Variants in MAPK14 observed in about 807,000 individuals in gnomAD.
The protein encoded by MAPK14 is CSAID-binding protein.
A neutral mutation model predicts 49.6 loss-of-function variants in MAPK14; 16 were observed. That is an observed-to-expected ratio of 0.32 (90% CI 0.22 to 0.49). The LOEUF is 0.49. Among genes scored for constraint, MAPK14 ranks in the 20% least tolerant of loss-of-function variants. The pLI is 0.99. For synonymous variants in MAPK14, 142 were observed against 158.0 expected (o/e 0.90, Z 0.76); for missense variants, 200 against 441.2 (o/e 0.45, Z 4.90).
intron 5 of MAPK14, 55 bp downstream of exon 5, chr6:36,073,775 G>C: frequency 6.6e-7 from 1 of 1,522,458 alleles, no homozygotes; most frequent in Non-Finnish European, 9.1e-7. Flanking sequence ...GAGAGTGGAA[G>C]AATGGCATTT....
chr6:36,118,425 C>T, the MAPK14 span, among the ~76,000 whole-genome samples: 2 of 152,184 alleles, frequency 1.3e-5, no homozygotes, highest in Admixed American at 1.3e-4. Flanking sequence ...TGTACCATCT[C>T]GCTGGCACCC....
intron 6 of MAPK14, among the ~76,000 whole-genome samples, chr6:36,075,437 T>G (rs1764492581): frequency 6.6e-6 from 1 of 152,092 alleles, no homozygotes. Context: ...GGTATTGTTG[T>G]GTGTGTCAGT....
At chr6:36,047,759 A>G (rs113008645) in intron 1 of MAPK14, among the ~76,000 whole-genome samples, 23,536 of 143,548 alleles carry the variant, frequency 0.16, 2,558 homozygotes, top group African/African-American at 0.32. Context: ...TTTTGAGATG[A>G]AGTTTTGCTC....
intron 8 of MAPK14, among the ~76,000 whole-genome samples, chr6:36,079,015 C>G (rs1764640450): frequency 6.6e-6 from 1 of 152,212 alleles, no homozygotes; most frequent in Non-Finnish European, 1.5e-5. Context: ...GCACAGTCTT[C>G]TAGTTTGCAG....
chr6:36,102,807 GA>G, intron 10 of MAPK14, 158 bp downstream of exon 10: 3 of 1,342,138 alleles, frequency 2.2e-6, no homozygotes, highest in Non-Finnish European at 3.0e-6. Flanking sequence ...TGTGTTGTCA[GA>G]TTTTTTTTTA....
chr6:36,062,184 C>T (rs1763847959), intron 3 of MAPK14, among the ~76,000 whole-genome samples: 1 of 152,080 alleles, frequency 6.6e-6, no homozygotes, highest in Non-Finnish European at 1.5e-5. Flanking sequence ...GCCATGTTGC[C>T]TAGGCTGGTC....
chr6:36,045,590 C>T (rs968087402), intron 1 of MAPK14, among the ~76,000 whole-genome samples: 1 of 151,966 alleles, frequency 6.6e-6, no homozygotes, highest in African/African-American at 2.4e-5. Flanking sequence ...GGGCGGATCA[C>T]GAGATCAGGA....
At chr6:36,122,353 G>A in the MAPK14 span, among the ~76,000 whole-genome samples, 9 of 152,220 alleles carry the variant, frequency 5.9e-5, no homozygotes, top group Non-Finnish European at 1.2e-4. Flanking sequence ...CCATTACTGC[G>A]GTTTGTCAGG....
intron 1 of MAPK14, among the ~76,000 whole-genome samples, chr6:36,037,598 T>C (rs995509036): frequency 2.0e-5 from 3 of 152,128 alleles, no homozygotes; most frequent in Admixed American, 2.0e-4. Context: ...AGGACAGGAC[T>C]CATTATACCT....
chr6:36,041,220 CTT>C (rs75773187), intron 1 of MAPK14, among the ~76,000 whole-genome samples: 16 of 140,660 alleles, frequency 1.1e-4, no homozygotes, highest in Admixed American at 1.4e-4. Context: ...TTATTGTGCT[CTT>C]TTTTTTTTTT....
chr6:36,076,674 C>G (rs1442915168), intron 8 of MAPK14, 66 bp downstream of exon 8: 1 of 1,196,818 alleles, frequency 8.4e-7, no homozygotes, highest in Admixed American at 1.8e-5. Flanking sequence ...GGTGTATACT[C>G]CTTTTACTTA....
chr6:36,078,452 G>GTTAGAAAGTTTTCGAA (rs1268613307), intron 8 of MAPK14, among the ~76,000 whole-genome samples: 2 of 152,192 alleles, frequency 1.3e-5, no homozygotes, highest in African/African-American at 4.8e-5. Flanking sequence ...GCAGACTAGT[G>GTTAGAAAGTTTTCGAA]TTAGAAAGTT....
At chr6:36,089,340 T>C (rs751418686) in intron 8 of MAPK14, among the ~76,000 whole-genome samples, 51 of 152,186 alleles carry the variant, frequency 3.4e-4, no homozygotes, top group South Asian at 6.2e-4. Context: ...TGAGAACACA[T>C]GGACACATGG....
At chr6:36,082,499 A>G (rs1764805949) in intron 8 of MAPK14, among the ~76,000 whole-genome samples, 1 of 152,226 alleles carries the variant, frequency 6.6e-6, no homozygotes, top group Non-Finnish European at 1.5e-5. Context: ...CATAGCTGTA[A>G]AAGAAGCATT....
chr6:36,115,379 A>G (rs1766043385), downstream of MAPK14, among the ~76,000 whole-genome samples: 1 of 152,266 alleles, frequency 6.6e-6, no homozygotes, highest in South Asian at 2.1e-4. Context: ...CTAATATTTT[A>G]TAATACCTCT....
intron 3 of MAPK14, among the ~76,000 whole-genome samples, chr6:36,065,188 GT>G (rs1763997017): frequency 1.3e-5 from 2 of 152,176 alleles, no homozygotes. Context: ...AGCAAATTTT[GT>G]TATTGTCTGT....
At chr6:36,059,186 G>T in intron 2 of MAPK14, 103 bp from the exon 3 acceptor site, 1 of 713,770 alleles carries the variant, frequency 1.4e-6, no homozygotes, top group Non-Finnish European at 2.3e-6. Context: ...CACTGCTCCC[G>T]GCCTAGACCC....
rs1765960157 is a variant in MAPK14 at position 36,111,042 on chromosome 6, A to ACAG, written c.*2596_*2598dup. On this transcript the variant is annotated 3_prime_UTR_variant, in exon 12 of 12. Coordinates refer to ENST00000229794, the MANE Select transcript of MAPK14 (RefSeq NM_139012.3). ...CTCGAGTGTAAGAGTGGCCGAAATG[A>ACAG]CAGGGCTCAGCAGACTGTGGCCTGA... The ACAG allele has an allele frequency of 6.6e-6, 1 of 152,232 alleles. No individual in the cohort carries two copies. The highest frequency in any genetic ancestry group is 1.5e-5 in the Non-Finnish European group (1 of 68,042). 9.4% of individuals were successfully genotyped at this position (152,232 alleles called of 1,614,324 possible).
At chr6:36,120,897 G>A in the MAPK14 span, among the ~76,000 whole-genome samples, 1 of 152,166 alleles carries the variant, frequency 6.6e-6, no homozygotes, top group African/African-American at 2.4e-5. Context: ...AGGTAGGTAA[G>A]GAGGATAGAG....
Sources: allele counts gnomAD v4.1 joint callset (sites outside exome capture counted in the v4.1 genomes callset), GRCh38; gene constraint gnomAD v4.1.1; transcripts MANE v1.5; gene names NCBI Gene and HGNC (gene_info 2026-07-23, HGNC 2026-07-21).